LGSN: variants seen among roughly 807,000 people sequenced by gnomAD.
LGSN encodes lengsin, lens protein with glutamine synthetase domain.
LGSN carries 21 observed loss-of-function variants against 19.5 expected under a neutral mutation model. That is an observed-to-expected ratio of 1.07 (90% confidence interval 0.76 to 1.55). The LOEUF is 1.55. Among genes scored for constraint, LGSN ranks in the 40% most tolerant of loss-of-function variants. LGSN has a pLI of 0.00. For synonymous variants in LGSN, 257 were observed against 215.6 expected, an observed-to-expected ratio of 1.19 and a Z score of -1.68; for missense variants, 673 against 608.5, an observed-to-expected ratio of 1.11 and a Z score of -1.12.
chr6:63,434,522 G>A, the LGSN span, among the ~76,000 whole-genome samples: 1 of 148,540 alleles, frequency 6.7e-6, no homozygotes, highest in African/African-American at 2.5e-5. Flanking sequence ...ACTTTGTGAG[G>A]CCAAAGCTGT....
the LGSN span, among the ~76,000 whole-genome samples, chr6:63,345,153 T>C: frequency 6.6e-6 from 1 of 152,182 alleles, no homozygotes; most frequent in East Asian, 1.9e-4. Context: ...GCAATATTAT[T>C]ATGCTAATGC....
chr6:63,555,329 T>C, the LGSN span, among the ~76,000 whole-genome samples: 1 of 152,338 alleles, frequency 6.6e-6, no homozygotes, highest in Non-Finnish European at 1.5e-5. Flanking sequence ...CCCTGGAAAT[T>C]AGAATATTTA....
the LGSN span, among the ~76,000 whole-genome samples, chr6:63,409,780 A>G: frequency 6.6e-6 from 1 of 152,212 alleles, no homozygotes; most frequent in Non-Finnish European, 1.5e-5. Context: ...TCACACCTGT[A>G]ATCCCAGCAC....
chr6:63,484,454 G>A, the LGSN span, among the ~76,000 whole-genome samples: 3 of 151,914 alleles, frequency 2.0e-5, no homozygotes, highest in Admixed American at 6.6e-5. Flanking sequence ...AACCCAGGAG[G>A]TGGAGGTTGC....
chr6:63,340,545 A>G, the LGSN span, among the ~76,000 whole-genome samples: 18 of 141,736 alleles, frequency 1.3e-4, no homozygotes, highest in African/African-American at 3.7e-4. Context: ...GATCTAGTCT[A>G]TTGTTGAAGC....
the LGSN span, among the ~76,000 whole-genome samples, chr6:63,398,532 A>C: frequency 6.6e-6 from 1 of 152,200 alleles, no homozygotes; most frequent in Non-Finnish European, 1.5e-5. Context: ...TTGGCTGTAC[A>C]ATGTGTTTGT....
At chr6:63,346,849 C>G in the LGSN span, among the ~76,000 whole-genome samples, 191 of 152,312 alleles carry the variant, frequency 1.3e-3, no homozygotes, top group Non-Finnish European at 2.2e-3. Flanking sequence ...AATGCTCGGT[C>G]ATGCCTTCTT....
At chr6:63,457,435 G>A in the LGSN span, among the ~76,000 whole-genome samples, 1 of 152,136 alleles carries the variant, frequency 6.6e-6, no homozygotes, top group Admixed American at 6.5e-5. Flanking sequence ...AACCCAGGAG[G>A]TGGAGGCTGC....
the LGSN span, among the ~76,000 whole-genome samples, chr6:63,405,729 G>A: frequency 1.3e-5 from 2 of 152,206 alleles, no homozygotes; most frequent in South Asian, 4.1e-4. Flanking sequence ...GACACAGACT[G>A]GCAAATTGGA....
chr6:63,326,865 G>C, the LGSN span, among the ~76,000 whole-genome samples: 1 of 152,192 alleles, frequency 6.6e-6, no homozygotes, highest in African/African-American at 2.4e-5. Context: ...CTGAGGGAGC[G>C]GGCTCTGGCC....
the LGSN span, among the ~76,000 whole-genome samples, chr6:63,390,018 G>C: frequency 6.6e-6 from 1 of 151,462 alleles, no homozygotes. Context: ...TGCTAAGTAG[G>C]GAGATGTAGA....
the LGSN span, among the ~76,000 whole-genome samples, chr6:63,505,565 A>AAAGAAAG: frequency 1.9e-4 from 11 of 58,646 alleles, no homozygotes; most frequent in African/African-American, 8.8e-4. Flanking sequence ...AAAAAAAAAA[A>AAAGAAAG]AAAGAAAGAA....
the LGSN span, among the ~76,000 whole-genome samples, chr6:63,531,001 T>G: frequency 6.6e-6 from 1 of 152,232 alleles, no homozygotes; most frequent in East Asian, 1.9e-4. Context: ...TAATTTCAAC[T>G]ATTCAACTAA....
At chr6:63,364,482 T>C in the LGSN span, among the ~76,000 whole-genome samples, 7 of 152,084 alleles carry the variant, frequency 4.6e-5, no homozygotes, top group South Asian at 2.1e-4. Context: ...CACACAATAA[T>C]AATGGGAGAC....
At chr6:63,348,839 C>T in the LGSN span, among the ~76,000 whole-genome samples, 59 of 150,866 alleles carry the variant, frequency 3.9e-4, no homozygotes, top group African/African-American at 1.4e-3. Flanking sequence ...AATCCTCCTG[C>T]CTCGCCTTCC....
chr6:63,327,624 T>G, the LGSN span, among the ~76,000 whole-genome samples: 1 of 152,210 alleles, frequency 6.6e-6, no homozygotes, highest in African/African-American at 2.4e-5. Context: ...GCAAACTGTC[T>G]GAGAGGCAGA....
the LGSN span, among the ~76,000 whole-genome samples, chr6:63,339,805 T>A: frequency 6.6e-6 from 1 of 152,180 alleles, no homozygotes; most frequent in Non-Finnish European, 1.5e-5. Context: ...TCTGTAATGA[T>A]AACTTGATTT....
the LGSN span, among the ~76,000 whole-genome samples, chr6:63,399,106 C>T: frequency 1.3e-5 from 2 of 152,032 alleles, no homozygotes; most frequent in African/African-American, 2.4e-5. Context: ...CGCACGTGGC[C>T]TCATTTTTTT....
the LGSN span, among the ~76,000 whole-genome samples, chr6:63,450,587 AC>A: frequency 6.6e-6 from 1 of 151,812 alleles, no homozygotes; most frequent in Non-Finnish European, 1.5e-5. Context: ...TTTTTAAAAA[AC>A]GTTAGTAAAC....
Sources: gnomAD v4.1 joint callset for allele counts (sites outside exome capture counted in the v4.1 genomes callset) on GRCh38, gnomAD v4.1.1 for gene constraint, MANE v1.5 for transcripts, NCBI Gene and HGNC (gene_info 2026-07-23, HGNC 2026-07-21) for gene names.